The following MMP16 variants were observed in gnomAD, a reference collection of about 807,000 sequenced individuals.
The protein encoded by MMP16 is matrix metallopeptidase 16.
Under a neutral mutation model 67.8 loss-of-function variants are expected in MMP16, and 12 were observed. The ratio of observed to expected loss-of-function variants is 0.18; its 90% CI spans 0.11 to 0.29. The LOEUF (loss-of-function observed/expected upper bound fraction) is 0.29. Among genes scored for constraint, MMP16 ranks in the 10% least tolerant of loss-of-function variants. The pLI is 1.00. For missense variants in MMP16, 475 were observed against 765.7 expected (o/e 0.62, Z 4.48); for synonymous variants, 249 against 255.9 (o/e 0.97, Z 0.26).
At chr8:88,077,603 C>G (rs950589545) in intron 6 of MMP16, among the ~76,000 whole-genome samples, 1 of 152,164 alleles carries the variant, frequency 6.6e-6, no homozygotes, top group African/African-American at 2.4e-5. Context: ...TGTTTAGATA[C>G]AGTCCCCTAT....
intron 8 of MMP16, among the ~76,000 whole-genome samples, chr8:88,055,339 C>T (rs775494183): frequency 1.2e-4 from 18 of 152,094 alleles, no homozygotes; most frequent in Non-Finnish European, 2.2e-4. Context: ...TCCCAAGTAG[C>T]TGGAATTACA....
At chr8:88,233,240 G>A (rs1328240717) in intron 1 of MMP16, among the ~76,000 whole-genome samples, 2 of 151,800 alleles carry the variant, frequency 1.3e-5, no homozygotes, top group African/African-American at 4.8e-5. Flanking sequence ...TTTAAAAAAG[G>A]CCTTTAAAGT....
chr8:88,057,639 T>A (rs978608377), intron 7 of MMP16, among the ~76,000 whole-genome samples: 14 of 152,118 alleles, frequency 9.2e-5, no homozygotes, highest in African/African-American at 3.1e-4. Flanking sequence ...CTTCAAAAAA[T>A]TTTAAAAACG....
chr8:88,248,155 T>C, intron 1 of MMP16, among the ~76,000 whole-genome samples: 1 of 151,986 alleles, frequency 6.6e-6, no homozygotes, highest in East Asian at 1.9e-4. Context: ...TTATGCACAA[T>C]CTCTATAAAA....
intron 1 of MMP16, among the ~76,000 whole-genome samples, chr8:88,275,405 G>C (rs992498568): frequency 1.3e-5 from 2 of 151,854 alleles, no homozygotes; most frequent in Admixed American, 1.3e-4. Flanking sequence ...CTCTGTTCTT[G>C]AAAAGGGTTT....
intron 1 of MMP16, among the ~76,000 whole-genome samples, chr8:88,246,567 C>T (rs1466406606): frequency 2.6e-5 from 4 of 152,152 alleles, no homozygotes; most frequent in Non-Finnish European, 4.4e-5. Context: ...ATGATAAATA[C>T]TACCCAGCCC....
At chr8:88,061,139 C>CAA (rs1808394819) in intron 7 of MMP16, among the ~76,000 whole-genome samples, 1 of 94,810 alleles carries the variant, frequency 1.1e-5, no homozygotes, top group Admixed American at 9.5e-5. Context: ...CACACACACA[C>CAA]ACACACACAC....
chr8:88,096,259 G>T (rs1230366999), intron 6 of MMP16, among the ~76,000 whole-genome samples: 1 of 151,836 alleles, frequency 6.6e-6, no homozygotes, highest in Non-Finnish European at 1.5e-5. Flanking sequence ...TATTTCCCTA[G>T]ATCCTATGAG....
intron 1 of MMP16, among the ~76,000 whole-genome samples, chr8:88,246,822 A>C (rs2129913868): frequency 6.6e-6 from 1 of 152,328 alleles, no homozygotes; most frequent in Non-Finnish European, 1.5e-5. Context: ...CAAGTAATTA[A>C]AATATCCAGA....
intron 1 of MMP16, among the ~76,000 whole-genome samples, chr8:88,307,475 T>C (rs1327884786): frequency 6.6e-6 from 1 of 151,972 alleles, no homozygotes; most frequent in African/African-American, 2.4e-5. Flanking sequence ...AAACAGACAA[T>C]AACAAATTTC....
rs1159813712 is a variant in MMP16 at position 88,035,412 on chromosome 8, A to G, written c.*6049T>C. 6.6e-6 allele frequency: 1 copy of G among 152,094 alleles called. No homozygotes were observed. The highest frequency in any genetic ancestry group is 1.9e-4 in the East Asian group (1 of 5,194). The allele number at this position is 152,094 out of a possible 1,614,324, so 9.4% of individuals were successfully genotyped here. On this transcript the variant is annotated 3_prime_UTR_variant, in exon 10 of 10. Coordinates refer to ENST00000286614, the MANE Select transcript of MMP16 (RefSeq NM_005941.5). The surrounding 1 kb of genome is among the most constrained non-coding windows in gnomAD (Gnocchi z 4.7). Reference sequence around the variant, plus strand: ...AATATCATCCCCAGTCCAATGATGCATAAAACAAATTCTAAGACACACTCA... The same window carrying G: ...AATATCATCCCCAGTCCAATGATGCGTAAAACAAATTCTAAGACACACTCA...
Position 88,112,666 on chromosome 8 carries a change from G to GGGGTGTGTGTGTGT in MMP16, c.1083+3840_1083+3841insACACACACACACCC, listed in dbSNP as rs1554578643. Among the ~76,000 whole-genome samples the GGGGTGTGTGTGTGT allele has an allele frequency of 1.7e-4, 25 of 146,902 alleles. 1 individual carries two copies. The highest frequency in any genetic ancestry group is 3.4e-3 in the Middle Eastern group (1 of 292). ...AATTTTTCATGCATAAGGACAGAAG[G>GGGGTGTGTGTGTGT]GTGTGTGTGTGTGTGTGTCTGTGTG... On this transcript the variant is annotated intron_variant, in intron 6 of 9. Transcript: ENST00000286614.
intron 6 of MMP16, among the ~76,000 whole-genome samples, chr8:88,111,527 TAAGA>T: frequency 6.6e-6 from 1 of 151,364 alleles, no homozygotes; most frequent in East Asian, 2.0e-4. Context: ...ATGAGCAAAA[TAAGA>T]TAGAGGAGGT....
intron 1 of MMP16, among the ~76,000 whole-genome samples, chr8:88,202,246 G>T (rs138943327): frequency 3.2e-4 from 49 of 152,236 alleles, no homozygotes; most frequent in African/African-American, 1.2e-3. Context: ...CAATTAAGAG[G>T]CAACTGTCAT....
In MMP16 at chr8:88,311,570, T is replaced by G. The variant is rs1025258476; in HGVS notation, c.132+15505A>C. Among the ~76,000 whole-genome samples the G allele has an allele frequency of 4.5e-4, 68 of 152,174 alleles. 1 individual carries two copies. The highest frequency in any genetic ancestry group is 3.7e-3 in the Admixed American group (56 of 15,270). ...TTTCTTACTATTTTGTTTTGTAAAA[T>G]TATTTTTTCATAAAAATGTTATTTA... On this transcript the variant is annotated intron_variant, in intron 1 of 9. Coordinates refer to ENST00000286614, the MANE Select transcript of MMP16 (RefSeq NM_005941.5).
chr8:88,145,660 G>C (rs982708356), intron 4 of MMP16, among the ~76,000 whole-genome samples: 1 of 151,634 alleles, frequency 6.6e-6, no homozygotes, highest in African/African-American at 2.4e-5. Flanking sequence ...GATTCCAATG[G>C]GCCCTAAGAG....
chr8:88,250,170 C>G (rs748661244), intron 1 of MMP16, among the ~76,000 whole-genome samples: 1 of 151,936 alleles, frequency 6.6e-6, no homozygotes, highest in Non-Finnish European at 1.5e-5. Context: ...TCTCAGTACC[C>G]AAAATGTTCC....
At chr8:88,131,942 T>C (rs539726709) in intron 4 of MMP16, among the ~76,000 whole-genome samples, 32 of 151,994 alleles carry the variant, frequency 2.1e-4, no homozygotes, top group Non-Finnish European at 4.4e-4. Flanking sequence ...TGTTTATGAA[T>C]GATTCCATTC....
chr8:88,252,236 A>T (rs1394654035), intron 1 of MMP16, among the ~76,000 whole-genome samples: 3 of 152,130 alleles, frequency 2.0e-5, no homozygotes, highest in Admixed American at 6.6e-5. Context: ...AAAGACTTGG[A>T]ACCAACCCAA....
Sources: allele counts gnomAD v4.1 joint callset (sites outside exome capture counted in the v4.1 genomes callset), GRCh38; gene constraint gnomAD v4.1.1; non-coding constraint Gnocchi (gnomAD v3.1); transcripts MANE v1.5; gene names NCBI Gene and HGNC (gene_info 2026-07-23, HGNC 2026-07-21).